EHBP1: variants seen among roughly 807,000 people sequenced by gnomAD.
The protein encoded by EHBP1 is EH domain-binding protein 1.
Under a neutral mutation model 144.0 loss-of-function variants are expected in EHBP1, and 55 were observed. That is an observed-to-expected ratio of 0.38 (90% CI 0.31 to 0.48). EHBP1 has a LOEUF of 0.48. Among genes scored for constraint, EHBP1 ranks in the 20% least tolerant of loss-of-function variants. The pLI is 0.98. For missense variants in EHBP1, 1,200 were observed against 1,364.2 expected (o/e 0.88, Z 1.90); for synonymous variants, 469 against 472.7 (o/e 0.99, Z 0.10).
chr2:62,731,836 T>A (rs2037630553), intron 2 of EHBP1, among the ~76,000 whole-genome samples: 1 of 152,194 alleles, frequency 6.6e-6, no homozygotes, highest in African/African-American at 2.4e-5. Context: ...TTGATCTGAC[T>A]TTCTGACTAT....
At chr2:62,818,614 G>A (rs1461083743) in intron 5 of EHBP1, among the ~76,000 whole-genome samples, 3 of 152,130 alleles carry the variant, frequency 2.0e-5, no homozygotes, top group African/African-American at 7.2e-5. Context: ...CAGCAAAGAA[G>A]AACTGCTCAA....
intron 21 of EHBP1, among the ~76,000 whole-genome samples, chr2:63,041,840 T>C (rs2061672018): frequency 1.3e-5 from 2 of 152,230 alleles, no homozygotes; most frequent in Non-Finnish European, 2.9e-5. Flanking sequence ...GGCTTATTTA[T>C]AGTGGCAAGG....
intron 10 of EHBP1, among the ~76,000 whole-genome samples, chr2:62,923,643 G>A (rs2055265063): frequency 6.6e-6 from 1 of 152,074 alleles, no homozygotes; most frequent in East Asian, 1.9e-4. Flanking sequence ...TGCCTACACA[G>A]CTATGTGCCA....
chr2:62,740,919 T>A (rs187479356), intron 2 of EHBP1, among the ~76,000 whole-genome samples: 3 of 152,260 alleles, frequency 2.0e-5, no homozygotes, highest in Non-Finnish European at 2.9e-5. Context: ...GCAACTATTA[T>A]TGTTATGTGT....
chr2:62,979,060 T>A, intron 14 of EHBP1, 128 bp from the exon 15 acceptor site: 1 of 792,432 alleles, frequency 1.3e-6, no homozygotes, highest in Non-Finnish European at 1.9e-6. Context: ...CCAACTGATA[T>A]AGAGCATCCT....
At chr2:62,815,340 C>T (rs1247884661) in intron 5 of EHBP1, among the ~76,000 whole-genome samples, 1 of 152,180 alleles carries the variant, frequency 6.6e-6, no homozygotes, top group Admixed American at 6.5e-5. Context: ...GGCAGTATCA[C>T]CCTTGAAAAT....
chr2:62,926,415 A>G (rs2055515129), intron 10 of EHBP1, among the ~76,000 whole-genome samples: 1 of 152,174 alleles, frequency 6.6e-6, no homozygotes, highest in Admixed American at 6.5e-5. Context: ...ATGGAAGAAA[A>G]TATTTGCAAA....
intron 7 of EHBP1, among the ~76,000 whole-genome samples, chr2:62,837,616 A>G (rs2152696334): frequency 6.7e-6 from 1 of 149,308 alleles, no homozygotes; most frequent in East Asian, 2.0e-4. Context: ...AGAGACACAC[A>G]TAGGCTCAAA....
At chr2:62,951,534 T>TTG (rs2057385999) in intron 13 of EHBP1, among the ~76,000 whole-genome samples, 3 of 92,350 alleles carry the variant, frequency 3.2e-5, no homozygotes, top group East Asian at 4.4e-4. Context: ...TTTTTTTTTT[T>TTG]GGGGGGGGGG....
intron 10 of EHBP1, among the ~76,000 whole-genome samples, chr2:62,928,927 CAAA>C (rs558683942): frequency 1.3e-5 from 2 of 149,044 alleles, no homozygotes; most frequent in Non-Finnish European, 3.0e-5. Context: ...TCCACAGAAA[CAAA>C]AAGGATTATA....
intron 14 of EHBP1, chr2:62,955,948 G>A (rs2057673225): frequency 1.3e-5 from 3 of 234,256 alleles, no homozygotes; most frequent in South Asian, 3.3e-4. Context: ...AACTGTAGTT[G>A]TACTCTAAGA....
At chr2:62,722,307 A>T (rs2036308893) in intron 2 of EHBP1, among the ~76,000 whole-genome samples, 1 of 151,752 alleles carries the variant, frequency 6.6e-6, no homozygotes, top group African/African-American at 2.4e-5. Context: ...AATTTTTTGT[A>T]TTTTTAGTAG....
At chr2:62,811,915 A>G (rs920951205) in intron 5 of EHBP1, among the ~76,000 whole-genome samples, 1 of 152,196 alleles carries the variant, frequency 6.6e-6, no homozygotes, top group African/African-American at 2.4e-5. Context: ...TATCCCCCAA[A>G]GTTCTTGTGT....
intron 7 of EHBP1, chr2:62,858,458 C>T: frequency 6.2e-7 from 1 of 1,611,958 alleles, no homozygotes; most frequent in Non-Finnish European, 8.5e-7. Context: ...ATCAAGATGA[C>T]TGCATAAAGC....
Position 62,763,987 on chromosome 2 carries a change from A to G in EHBP1, c.163-279A>G, listed in dbSNP as rs1459639691. ...GACATCATGTTTTCATCATTTTTGC[A>G]TGTTCTTCTGTGTGTATGAGGGGAT... On this transcript the variant is annotated intron_variant, in intron 3 of 22. Transcript: ENST00000431489. Among the ~76,000 whole-genome samples, 5 of 151,982 alleles carry G rather than the reference A, an allele frequency of 3.3e-5. No homozygotes were observed. In the East Asian group the frequency reaches 9.6e-4, roughly 29 times the overall value.
intron 14 of EHBP1, among the ~76,000 whole-genome samples, chr2:62,960,797 A>G (rs540711480): frequency 6.6e-6 from 1 of 152,314 alleles, no homozygotes; most frequent in East Asian, 1.9e-4. Context: ...TGAGCAGAGG[A>G]AGTTAGTGTT....
At chr2:62,996,569 CTAAG>C (rs1302612520) in intron 18 of EHBP1, 70 bp from the exon 19 acceptor site, 26 of 1,589,260 alleles carry the variant, frequency 1.6e-5, no homozygotes, top group African/African-American at 8.1e-5. Context: ...AAGTGCTTTA[CTAAG>C]TGTTTGTAGA....
chr2:62,835,710 C>G (rs1288102931), intron 7 of EHBP1, among the ~76,000 whole-genome samples: 1 of 152,170 alleles, frequency 6.6e-6, no homozygotes, highest in East Asian at 1.9e-4. Context: ...GTTCCCTTTC[C>G]GAGTCAAAGA....
intron 1 of EHBP1, among the ~76,000 whole-genome samples, chr2:62,688,980 A>G (rs1231141042): frequency 1.3e-5 from 2 of 152,226 alleles, no homozygotes; most frequent in Non-Finnish European, 2.9e-5. Context: ...GGTCATTTTA[A>G]TAAAACCCCA....
Sources: gnomAD v4.1 joint callset for allele counts (sites outside exome capture counted in the v4.1 genomes callset) on GRCh38, gnomAD v4.1.1 for gene constraint, MANE v1.5 for transcripts, NCBI Gene and HGNC (gene_info 2026-07-23, HGNC 2026-07-21) for gene names.